The following PCDH15 variants were observed in gnomAD, a reference collection of about 807,000 sequenced individuals.
The protein encoded by PCDH15 is protocadherin-15.
In PCDH15, 129 loss-of-function variants were observed where a neutral mutation model predicts 178.5. The ratio of observed to expected loss-of-function variants is 0.72; its 90% confidence interval spans 0.63 to 0.84. The LOEUF (loss-of-function observed/expected upper bound fraction) is 0.84, where lower values mean the gene tolerates loss of function less well. Among genes scored for constraint, PCDH15 ranks in the 40% least tolerant of loss-of-function variants. PCDH15 has a pLI of 0.00. For synonymous variants in PCDH15, 800 were observed against 732.0 expected (o/e 1.09, Z -1.50); for missense variants, 2,230 against 2,099.9 (o/e 1.06, Z -1.21).
chr10:54,846,688 T>C (rs1395558470), intron 3 of PCDH15, among the ~76,000 whole-genome samples: 1 of 152,204 alleles, frequency 6.6e-6, no homozygotes, highest in Non-Finnish European at 1.5e-5. Context: ...CAAGGATATA[T>C]TGTCACTGCT....
chr10:54,413,265 T>C (rs557677021), intron 3 of PCDH15, among the ~76,000 whole-genome samples: 2 of 152,316 alleles, frequency 1.3e-5, no homozygotes, highest in South Asian at 4.1e-4. Context: ...GTTGGCTATC[T>C]ATTACAGCTC....
At chr10:55,016,098 TAAAAAAAAAA>T (rs199893494) in intron 2 of PCDH15, among the ~76,000 whole-genome samples, 1 of 115,610 alleles carries the variant, frequency 8.6e-6, no homozygotes, top group African/African-American at 3.6e-5. Context: ...CTTTTTTTTT[TAAAAAAAAAA>T]AAAAAAAAAA....
chr10:54,357,447 A>G (rs1945206392), intron 5 of PCDH15, among the ~76,000 whole-genome samples: 1 of 152,186 alleles, frequency 6.6e-6, no homozygotes, highest in Non-Finnish European at 1.5e-5. Context: ...CTAGGAATCC[A>G]ACTTACAAGG....
At chr10:54,850,261 T>C (rs183765173) in intron 3 of PCDH15, among the ~76,000 whole-genome samples, 16 of 152,268 alleles carry the variant, frequency 1.1e-4, no homozygotes, top group Admixed American at 5.2e-4. Flanking sequence ...AATCATAAGA[T>C]GGTTTGGTTT....
intron 3 of PCDH15, among the ~76,000 whole-genome samples, chr10:54,500,731 G>A (rs1208095731): frequency 6.6e-6 from 1 of 152,056 alleles, no homozygotes; most frequent in East Asian, 1.9e-4. Flanking sequence ...TCAGGAAGAT[G>A]AGGCAGAAGA....
chr10:55,425,918 TA>T, intron 2 of PCDH15, among the ~76,000 whole-genome samples: 1 of 152,312 alleles, frequency 6.6e-6, no homozygotes, highest in African/African-American at 2.4e-5. Context: ...TATTTGCTCT[TA>T]CTAACTGAAA....
Position 55,215,697 on chromosome 10 carries a change from G to T in PCDH15, c.-155-49046C>A, listed in dbSNP as rs148300421. 4.2e-3 allele frequency among the ~76,000 whole-genome samples: 638 copies of T among 152,062 alleles called. 8 individuals carry two copies. Among genetic ancestry groups the T allele is most frequent in the African/African-American group, 0.015 (618 of 41,456 alleles). On this transcript the variant is annotated intron_variant, in intron 1 of 5. Coordinates refer to the PCDH15 transcript ENST00000458638. ...TTCTTAGCTAGGGCTTCCATGGCAG[G>T]ATAATTTTCATTAGTACCCAATGCA...
intron 2 of PCDH15, among the ~76,000 whole-genome samples, chr10:55,341,805 A>ATTTTTTTTTTT (rs869187882): frequency 6.1e-5 from 1 of 16,330 alleles, no homozygotes; most frequent in Non-Finnish European, 1.1e-4. Context: ...ATATATATAT[A>ATTTTTTTTTTT]TTTTTTTTTT....
chr10:54,715,847 T>A (rs2095473989), intron 1 of PCDH15, among the ~76,000 whole-genome samples: 1 of 152,134 alleles, frequency 6.6e-6, no homozygotes, highest in African/African-American at 2.4e-5. Context: ...AGGGTATATT[T>A]GCAGGCATTT....
chr10:54,189,242 G>A lies in PCDH15; in HGVS notation c.1306-3974C>T, dbSNP rs559715145. On this transcript the variant is annotated intron_variant, in intron 11 of 37. Coordinates refer to ENST00000644397, the MANE Select transcript of PCDH15 (RefSeq NM_001384140.1). ...TTTAAATTTATATAAAGTATTTGTA[G>A]ATATCCTTATAAGGGATAATGAAGT... 6 of 635,880 alleles carry A rather than the reference G, an allele frequency of 9.4e-6. No individual in the cohort carries two copies. The South Asian group carries it at 1.2e-4, about 13-fold the overall frequency. 39.4% of individuals were successfully genotyped at this position (635,880 alleles called of 1,614,324 possible). A position where few individuals can be genotyped will look rare whatever the true frequency, so the allele number is the denominator to read the frequency against.
chr10:55,054,876 C>G (rs901416635), intron 2 of PCDH15, among the ~76,000 whole-genome samples: 2 of 152,102 alleles, frequency 1.3e-5, no homozygotes, highest in Admixed American at 1.3e-4. Flanking sequence ...CTGTTTTCTT[C>G]TTGTAATTTG....
At chr10:54,402,537 G>T (rs1018044997) in intron 3 of PCDH15, among the ~76,000 whole-genome samples, 4 of 151,892 alleles carry the variant, frequency 2.6e-5, no homozygotes, top group Non-Finnish European at 5.9e-5. Flanking sequence ...AAGATTTGTG[G>T]CAGTCCTTCA....
intron 2 of PCDH15, among the ~76,000 whole-genome samples, chr10:54,600,842 C>T (rs557839896): frequency 7.2e-5 from 11 of 151,930 alleles, no homozygotes; most frequent in South Asian, 2.1e-4. Context: ...TGTGCTCCCC[C>T]CTCAGTCTTT....
rs570880357 is a variant in PCDH15 at position 53,833,412 on chromosome 10, C to T, written c.3984-1879G>A. On this transcript the variant is annotated intron_variant, in intron 29 of 37. Coordinates refer to ENST00000644397, the MANE Select transcript of PCDH15 (RefSeq NM_001384140.1). ...GATCACTTTTGAACCCACACCTGATCTAGACTATCTTTCTTTACTTTGTGT... is the reference window on the plus strand; with the variant it reads ...GATCACTTTTGAACCCACACCTGATTTAGACTATCTTTCTTTACTTTGTGT... 3.3e-5 allele frequency among the ~76,000 whole-genome samples: 5 copies of T among 152,212 alleles called. No homozygotes were observed. The South Asian group carries it at 1.0e-3, about 32-fold the overall frequency.
chr10:55,000,882 C>T (rs1328826350), intron 2 of PCDH15, among the ~76,000 whole-genome samples: 3 of 152,022 alleles, frequency 2.0e-5, no homozygotes, highest in Admixed American at 6.5e-5. Context: ...AGAGTGAGAA[C>T]TTCATTGATG....
intron 18 of PCDH15, among the ~76,000 whole-genome samples, chr10:54,029,288 A>C (rs866365316): frequency 3.9e-5 from 6 of 152,324 alleles, no homozygotes; most frequent in Middle Eastern, 3.4e-3. Context: ...TGCTATAATG[A>C]AAATATATAT....
intron 26 of PCDH15, among the ~76,000 whole-genome samples, chr10:53,888,302 A>ACG (rs1391453613): frequency 2.8e-5 from 2 of 71,436 alleles, no homozygotes; most frequent in Admixed American, 2.0e-4. Flanking sequence ...ATATATATAT[A>ACG]TATATATGTA....
intron 2 of PCDH15, among the ~76,000 whole-genome samples, chr10:55,517,814 G>A (rs1841056743): frequency 6.6e-6 from 1 of 151,960 alleles, no homozygotes; most frequent in Non-Finnish European, 1.5e-5. Flanking sequence ...ACAATACAAA[G>A]GAACATACTA....
chr10:54,059,732 G>T (rs1235987660), intron 18 of PCDH15, among the ~76,000 whole-genome samples: 1 of 152,156 alleles, frequency 6.6e-6, no homozygotes, highest in Non-Finnish European at 1.5e-5. Flanking sequence ...GCCACCTAAC[G>T]CATGTTTGTA....
Sources: allele counts gnomAD v4.1 joint callset (sites outside exome capture counted in the v4.1 genomes callset), GRCh38; gene constraint gnomAD v4.1.1; transcripts MANE v1.5; gene names NCBI Gene and HGNC (gene_info 2026-07-23, HGNC 2026-07-21).